The following GDPD5 variants were observed in gnomAD, a reference collection of about 807,000 sequenced individuals.
GDPD5 encodes the protein glycerophosphodiester phosphodiesterase 2.
In GDPD5, 48 loss-of-function variants were observed where a neutral mutation model predicts 75.1. That is an observed-to-expected ratio of 0.64 (90% CI 0.51 to 0.81). The LOEUF is 0.81. GDPD5 is among the 40% of genes least tolerant of loss of function. The probability of loss-of-function intolerance (pLI) is 0.00; values close to 1 mark genes in which losing one functional copy is unlikely to be tolerated. For synonymous variants in GDPD5, 336 were observed against 339.0 expected (o/e 0.99, Z 0.10); for missense variants, 706 against 822.6 (o/e 0.86, Z 1.73).
intron 2 of GDPD5, among the ~76,000 whole-genome samples, chr11:75,481,873 C>T (rs1479432652): frequency 6.6e-6 from 1 of 152,002 alleles, no homozygotes; most frequent in Non-Finnish European, 1.5e-5. Flanking sequence ...GCCACTCAGG[C>T]TCTTCCCTGA....
Position 75,456,804 on chromosome 11 carries a change from A to G in GDPD5, c.328T>C (p.Cys110Arg), listed in dbSNP as rs1949294585. Reference sequence around the variant, plus strand: ...ATCTGCTGCCCCACGGCAATGTGACATAGTGCCAGGACCTGAGGAGGGACC... The same window carrying G: ...ATCTGCTGCCCCACGGCAATGTGACGTAGTGCCAGGACCTGAGGAGGGACC... Reference protein sequence around the residue: ...YIAGLLVLALCHIAVGQQMNL... With the variant: ...YIAGLLVLALRHIAVGQQMNL... The change falls in exon 6 of 17, where the codon TGT (cysteine) becomes CGT (arginine). Residue 110 changes from cysteine (C) to arginine (R), a missense_variant. Physicochemically the swap from Cys to Arg is radical, Grantham distance 180. Transcript: ENST00000336898. 1 of 1,614,070 alleles carries G rather than the reference A, an allele frequency of 6.2e-7. No homozygotes were observed. Among genetic ancestry groups the G allele is most frequent in the Non-Finnish European group, 8.5e-7 (1 of 1,179,994 alleles).
intron 1 of GDPD5, among the ~76,000 whole-genome samples, chr11:75,503,904 C>T (rs542264967): frequency 1.3e-5 from 2 of 152,346 alleles, no homozygotes; most frequent in South Asian, 2.1e-4. Flanking sequence ...CTGAATGCTG[C>T]AGGATTAGAC....
intron 6 of GDPD5, among the ~76,000 whole-genome samples, chr11:75,453,277 C>A (rs1040578277): frequency 9.2e-5 from 14 of 152,030 alleles, no homozygotes; most frequent in African/African-American, 3.4e-4. Context: ...CTCTGTCCTC[C>A]CCTCCTCAGG....
At chr11:75,518,332 G>T (rs890301268) in intron 1 of GDPD5, among the ~76,000 whole-genome samples, 1 of 152,218 alleles carries the variant, frequency 6.6e-6, no homozygotes, top group Admixed American at 6.5e-5. Flanking sequence ...GAAGGTCCTG[G>T]GGGGAGGAAG....
At chr11:75,437,270 A>G in intron 15 of GDPD5, 1 of 549,112 alleles carries the variant, frequency 1.8e-6, no homozygotes, top group Non-Finnish European at 3.2e-6. Context: ...TTACCTCCAG[A>G]GCCGCCAGTC....
At chr11:75,498,885 A>G (rs1184102305) in intron 1 of GDPD5, among the ~76,000 whole-genome samples, 1 of 151,972 alleles carries the variant, frequency 6.6e-6, no homozygotes, top group African/African-American at 2.4e-5. Context: ...ATTCTCCAGC[A>G]TCTTTGCCCC....
chr11:75,477,201 C>T (rs1246021856), intron 3 of GDPD5, among the ~76,000 whole-genome samples: 2 of 152,150 alleles, frequency 1.3e-5, no homozygotes, highest in African/African-American at 2.4e-5. Flanking sequence ...GTGACTGAGC[C>T]CCGGTGCCAG....
At chr11:75,491,911 C>A (rs1950116047) in intron 1 of GDPD5, among the ~76,000 whole-genome samples, 1 of 152,126 alleles carries the variant, frequency 6.6e-6, no homozygotes, top group African/African-American at 2.4e-5. Context: ...TCAAGCCCCT[C>A]CCCCCATTAG....
intron 7 of GDPD5, 21 bp from the exon 8 acceptor site, chr11:75,449,631 G>A: frequency 6.4e-7 from 1 of 1,562,728 alleles, no homozygotes; most frequent in South Asian, 1.2e-5. Flanking sequence ...GGAGAGGGAA[G>A]GGAGACCAGT....
chr11:75,521,096 A>T (rs1039349666), intron 1 of GDPD5, among the ~76,000 whole-genome samples: 1 of 152,184 alleles, frequency 6.6e-6, no homozygotes, highest in Non-Finnish European at 1.5e-5. Flanking sequence ...AGAAAGCTGG[A>T]GCTACAGGGG....
At chr11:75,441,829 A>C (rs1003536338) in intron 12 of GDPD5, 26 bp from the exon 13 acceptor site, 2 of 1,595,116 alleles carry the variant, frequency 1.3e-6, no homozygotes, top group African/African-American at 2.7e-5. Context: ...AGGCAGCCTC[A>C]GACTTCTCTT....
intron 9 of GDPD5, among the ~76,000 whole-genome samples, chr11:75,445,327 T>C (rs533017804): frequency 1.3e-5 from 2 of 152,290 alleles, no homozygotes; most frequent in East Asian, 3.9e-4. Context: ...GGTTCTAGCC[T>C]TGACTCTGCC....
rs71036055 is a variant in GDPD5, at chr11:75,493,229, TCA to T, written c.-144-2911_-144-2910del. Among the ~76,000 whole-genome samples the T allele has an allele frequency of 7.9e-3, 1,111 of 140,924 alleles. 14 individuals are homozygous for T. Among genetic ancestry groups the T allele is most frequent in the African/African-American group, 0.025 (954 of 37,492 alleles). 92.5% of individuals were successfully genotyped at this position (140,924 alleles called of 152,430 possible). Reference sequence around the variant, plus strand: ...CAGGGAAAAGGGGCCCCCACACATCTCACACACACACACACACACACACACAC... The same window carrying T: ...CAGGGAAAAGGGGCCCCCACACATCTCACACACACACACACACACACACAC... On this transcript the variant is annotated intron_variant, in intron 1 of 16. Coordinates refer to ENST00000336898, the MANE Select transcript of GDPD5 (RefSeq NM_030792.8).
At chr11:75,471,654 G>C (rs780103433) in intron 3 of GDPD5, among the ~76,000 whole-genome samples, 5 of 152,072 alleles carry the variant, frequency 3.3e-5, no homozygotes, top group Non-Finnish European at 5.9e-5. Flanking sequence ...ATAGTCCCCT[G>C]GTAATGCCCC....
intron 2 of GDPD5, among the ~76,000 whole-genome samples, chr11:75,481,449 G>A (rs1949916833): frequency 6.6e-6 from 1 of 152,180 alleles, no homozygotes. Context: ...TGCAGCCTCT[G>A]TTCCGGGGAG....
intron 8 of GDPD5, among the ~76,000 whole-genome samples, 195 bp from the exon 9 acceptor site, chr11:75,449,317 G>A (rs1170147810): frequency 6.6e-6 from 1 of 152,158 alleles, no homozygotes; most frequent in Non-Finnish European, 1.5e-5. Context: ...ACATGGAGGA[G>A]GAATACAGTG....
intron 2 of GDPD5, among the ~76,000 whole-genome samples, chr11:75,478,743 T>C (rs956277928): frequency 6.6e-6 from 1 of 152,250 alleles, no homozygotes; most frequent in African/African-American, 2.4e-5. Context: ...CTGAGATGTG[T>C]TGAGCACTTA....
chr11:75,507,779 A>T (rs146831148), intron 1 of GDPD5, among the ~76,000 whole-genome samples: 1 of 152,280 alleles, frequency 6.6e-6, no homozygotes, highest in Non-Finnish European at 1.5e-5. Context: ...TGTCAGGAAC[A>T]CTCAGAGGCT....
intron 1 of GDPD5, among the ~76,000 whole-genome samples, chr11:75,503,706 G>A (rs999589803): frequency 2.6e-5 from 4 of 152,232 alleles, no homozygotes; most frequent in Admixed American, 2.6e-4. Context: ...ACCTTAGAGA[G>A]CCTGCACCAT....
Sources: gnomAD v4.1 joint callset for allele counts (sites outside exome capture counted in the v4.1 genomes callset) on GRCh38, gnomAD v4.1.1 for gene constraint, MANE v1.5 for transcripts, NCBI Gene and HGNC (gene_info 2026-07-23, HGNC 2026-07-21) for gene names.